The following NXN variants were observed in gnomAD, a reference collection of about 807,000 sequenced individuals.
NXN encodes the protein nucleoredoxin 1.
In NXN, 16 loss-of-function variants were observed where a neutral mutation model predicts 48.6. The ratio of observed to expected loss-of-function variants is 0.33; its 90% CI spans 0.22 to 0.50. The LOEUF (loss-of-function observed/expected upper bound fraction) is 0.50. NXN is among the 20% of genes least tolerant of loss of function. NXN has a pLI of 0.98. For missense variants in NXN, 492 were observed against 605.5 expected (o/e 0.81, Z 1.97); for synonymous variants, 281 against 269.6 (o/e 1.04, Z -0.41).
At chr17:814,217 C>G (rs1038367288) in intron 5 of NXN, among the ~76,000 whole-genome samples, 1 of 151,988 alleles carries the variant, frequency 6.6e-6, no homozygotes, top group African/African-American at 2.4e-5. Flanking sequence ...AGAGATTGCG[C>G]CACTGCACTC....
intron 1 of NXN, among the ~76,000 whole-genome samples, chr17:965,224 T>G (rs1208242411): frequency 3.3e-5 from 5 of 152,142 alleles, no homozygotes; most frequent in Admixed American, 1.3e-4. Flanking sequence ...CACTTAACCG[T>G]CATCCGTGAT....
intron 1 of NXN, among the ~76,000 whole-genome samples, chr17:923,002 G>C (rs1177860580): frequency 3.3e-5 from 5 of 151,926 alleles, no homozygotes; most frequent in African/African-American, 9.7e-5. Context: ...GCCTGAGCTG[G>C]GAGCCCAGAG....
chr17:886,011 T>C (rs961784422), intron 1 of NXN, among the ~76,000 whole-genome samples: 8 of 152,050 alleles, frequency 5.3e-5, no homozygotes, highest in Non-Finnish European at 1.0e-4. Flanking sequence ...TTAATGCTCC[T>C]TAGAAAATTC....
rs776467403 is a variant in NXN, at chr17:803,697, G to A, written c.1110C>T (p.Phe370=). 6.2e-7 allele frequency: 1 copy of A among 1,614,204 alleles called. No homozygotes were observed. Among genetic ancestry groups the A allele is most frequent in the Non-Finnish European group, 8.5e-7 (1 of 1,180,038 alleles). The stretch of plus-strand genomic sequence containing the variant: ...CCGCACTCACCTCCCCGGCTACGAA[G>A]AACAGAAGGGGTGCCTCCTCCTCTT... ...KAKEEEAPLL[F]FVAGEDDMTD... is the part of the protein sequence containing the mutation. The change falls in exon 7 of 8, where the codon TTC becomes TTT. Residue 370 remains phenylalanine, a synonymous_variant. Coordinates refer to ENST00000336868, the MANE Select transcript of NXN (RefSeq NM_022463.5).
At chr17:838,126 CTTT>C (rs66721481) in intron 1 of NXN, among the ~76,000 whole-genome samples, 4 of 99,184 alleles carry the variant, frequency 4.0e-5, no homozygotes, top group African/African-American at 1.3e-4. Context: ...TCCTTTCCTT[CTTT>C]TTTTTTTTTT....
chr17:832,026 T>C (rs1913500712), intron 1 of NXN, among the ~76,000 whole-genome samples: 1 of 151,292 alleles, frequency 6.6e-6, no homozygotes, highest in Non-Finnish European at 1.5e-5. Context: ...CAGGAATCTC[T>C]CTGTGGGTAG....
intron 1 of NXN, among the ~76,000 whole-genome samples, chr17:928,341 G>A (rs554563266): frequency 1.3e-5 from 2 of 152,112 alleles, no homozygotes; most frequent in Non-Finnish European, 2.9e-5. Context: ...AAAAGCATTC[G>A]GTGAGATTTC....
At chr17:829,640 G>C (rs1255270733) in intron 1 of NXN, among the ~76,000 whole-genome samples, 1 of 151,882 alleles carries the variant, frequency 6.6e-6, no homozygotes, top group African/African-American at 2.4e-5. Flanking sequence ...CCTGCCAACA[G>C]GCCCCAGTGT....
intron 1 of NXN, among the ~76,000 whole-genome samples, chr17:887,358 C>T (rs1005751073): frequency 5.9e-5 from 9 of 152,128 alleles, no homozygotes; most frequent in South Asian, 4.1e-4. Context: ...AGGCAGCGTC[C>T]GATTCAGTGA....
intron 1 of NXN, among the ~76,000 whole-genome samples, chr17:936,479 C>T (rs2068909173): frequency 6.6e-6 from 1 of 151,820 alleles, no homozygotes; most frequent in South Asian, 2.1e-4. Context: ...GTGCTGCCAC[C>T]ACCCAGCTCG....
At chr17:864,884 C>T (rs1278136881) in intron 1 of NXN, among the ~76,000 whole-genome samples, 1 of 152,194 alleles carries the variant, frequency 6.6e-6, no homozygotes, top group East Asian at 1.9e-4. Context: ...GCCCTGAACC[C>T]TTCTCTCTCA....
At chr17:805,020 T>TCCCCCCCCCCCCCCCCCCC in intron 6 of NXN, 48 bp downstream of exon 6, 9 of 1,512,878 alleles carry the variant, frequency 5.9e-6, no homozygotes, top group Non-Finnish European at 8.1e-6. Context: ...GCCCCTCCTG[T>TCCCCCCCCCCCCCCCCCCC]CCCGCCCCCC....
chr17:807,831 C>A (rs1245880484), intron 5 of NXN, among the ~76,000 whole-genome samples: 1 of 152,254 alleles, frequency 6.6e-6, no homozygotes, highest in Non-Finnish European at 1.5e-5. Flanking sequence ...CACATCCCTC[C>A]AAAGGTGAAC....
At chr17:856,291 A>G (rs996452966) in intron 1 of NXN, among the ~76,000 whole-genome samples, 15 of 152,104 alleles carry the variant, frequency 9.9e-5, no homozygotes, top group African/African-American at 3.6e-4. Context: ...GTAAGAGGAG[A>G]CGGACATTCT....
intron 4 of NXN, 105 bp from the exon 5 acceptor site, chr17:819,650 G>C: frequency 1.2e-6 from 1 of 806,270 alleles, no homozygotes; most frequent in Non-Finnish European, 2.0e-6. Flanking sequence ...GCAGAAGCCG[G>C]GGTTTCTAAC....
chr17:928,688 T>C (rs1346049059), intron 1 of NXN, among the ~76,000 whole-genome samples: 19 of 151,974 alleles, frequency 1.3e-4, no homozygotes, highest in Non-Finnish European at 1.5e-5. Flanking sequence ...ATACAAAAAT[T>C]AGCCGGGCGT....
intron 7 of NXN, among the ~76,000 whole-genome samples, chr17:803,099 C>T (rs2474696): frequency 0.67 from 101,977 of 152,080 alleles, 35,998 homozygotes; most frequent in East Asian, 0.9. Flanking sequence ...TGGGTACCTG[C>T]GGGAGGGCGC....
chr17:839,797 T>TAAAAAGAAAAAAAAAAAAAAA (rs1914035139), intron 1 of NXN, among the ~76,000 whole-genome samples: 1 of 57,260 alleles, frequency 1.7e-5, no homozygotes, highest in Non-Finnish European at 3.1e-5. Context: ...GAGACCTTGT[T>TAAAAAGAAAAAAAAAAAAAAA]AAAAAAAAAA....
At chr17:848,135 T>C (rs1223461378) in intron 1 of NXN, among the ~76,000 whole-genome samples, 1 of 149,084 alleles carries the variant, frequency 6.7e-6, no homozygotes, top group Non-Finnish European at 1.5e-5. Flanking sequence ...GAACGTTGAT[T>C]TCCTGTTTTG....
Sources: gnomAD v4.1 joint callset for allele counts (sites outside exome capture counted in the v4.1 genomes callset) on GRCh38, gnomAD v4.1.1 for gene constraint, MANE v1.5 for transcripts, NCBI Gene and HGNC (gene_info 2026-07-23, HGNC 2026-07-21) for gene names.